Variants in ZNF600 observed in about 807,000 individuals in gnomAD.
ZNF600 encodes zinc finger protein KR-ZNF1.
Under a neutral mutation model 7.3 loss-of-function variants are expected in ZNF600, and 4 were observed. The observed-to-expected ratio is 0.55, with a 90% CI of 0.27 to 1.25. ZNF600 has a LOEUF of 1.25. Among genes scored for constraint, ZNF600 ranks in the 50% most tolerant of loss-of-function variants. The pLI is 0.12. For missense variants in ZNF600, 911 were observed against 922.1 expected, an observed-to-expected ratio of 0.99 and a Z score of 0.16; for synonymous variants, 290 against 308.9, an observed-to-expected ratio of 0.94 and a Z score of 0.64.
the ZNF600 span, chr19:52,808,276 T>A: frequency 6.8e-7 from 1 of 1,468,900 alleles, no homozygotes; most frequent in Non-Finnish European, 9.1e-7. Context: ...CCACATGATG[T>A]TTTTATTATA....
the ZNF600 span, among the ~76,000 whole-genome samples, chr19:52,811,908 C>A: frequency 8.4e-6 from 1 of 118,366 alleles, no homozygotes; most frequent in African/African-American, 3.7e-5. Context: ...GCCCCCCGCC[C>A]GGCCAGCCGC....
the ZNF600 span, among the ~76,000 whole-genome samples, chr19:52,795,241 A>G: frequency 6.6e-6 from 1 of 152,206 alleles, no homozygotes; most frequent in Non-Finnish European, 1.5e-5. Flanking sequence ...AAATGGAATA[A>G]TAGGCTACAT....
At chr19:52,807,632 G>A in the ZNF600 span, among the ~76,000 whole-genome samples, 11 of 152,110 alleles carry the variant, frequency 7.2e-5, no homozygotes, top group Non-Finnish European at 1.6e-4. Context: ...GCATCACCAT[G>A]CCCGGCTAAC....
chr19:52,786,622 AG>A (rs761039849), exon 1 of ZNF600: 26 of 191,444 alleles, frequency 1.4e-4, no homozygotes, highest in African/African-American at 2.5e-4. Flanking sequence ...CTCTGGGTGA[AG>A]GGAAGACAGG....
At chr19:52,775,413 C>T (rs1448401511) in intron 2 of ZNF600, among the ~76,000 whole-genome samples, 17 of 150,194 alleles carry the variant, frequency 1.1e-4, no homozygotes, top group South Asian at 8.6e-4. Context: ...AGCTGGGTGT[C>T]GTGGTGCAGG....
intron 3 of ZNF600, among the ~76,000 whole-genome samples, chr19:52,768,087 T>C (rs978554735): frequency 3.3e-5 from 5 of 151,924 alleles, no homozygotes; most frequent in African/African-American, 7.3e-5. Context: ...AACATATCAC[T>C]GTCACATCAA....
chr19:52,769,732 C>G (rs1316291358), intron 3 of ZNF600, among the ~76,000 whole-genome samples: 3 of 152,080 alleles, frequency 2.0e-5, no homozygotes, highest in Non-Finnish European at 4.4e-5. Flanking sequence ...TGGGGCTGGT[C>G]CCTACAGAGA....
chr19:52,770,078 G>C (rs1005715789), intron 3 of ZNF600, among the ~76,000 whole-genome samples: 2 of 152,144 alleles, frequency 1.3e-5, no homozygotes, highest in Non-Finnish European at 2.9e-5. Flanking sequence ...TATAAGAACT[G>C]AAATACATGT....
chr19:52,774,810 C>T (rs2062660068), intron 2 of ZNF600, 109 bp from the exon 5 acceptor site: 2 of 984,038 alleles, frequency 2.0e-6, no homozygotes, highest in South Asian at 9.4e-5. Flanking sequence ...TGTGTTCTGA[C>T]AAAATGTTAA....
chr19:52,790,978 G>C (rs2062789615), upstream of ZNF600, among the ~76,000 whole-genome samples: 1 of 151,862 alleles, frequency 6.6e-6, no homozygotes, highest in African/African-American at 2.4e-5. Context: ...ACCACACCCA[G>C]ACCAACATGC....
At chr19:52,786,437 C>T (rs2147592738) in intron 1 of ZNF600, among the ~76,000 whole-genome samples, 158 bp downstream of exon 1, 1 of 152,294 alleles carries the variant, frequency 6.6e-6, no homozygotes, top group African/African-American at 2.4e-5. Flanking sequence ...CGGGTGAGGA[C>T]TTTAAAAAGC....
chr19:52,786,851 GA>G, upstream of ZNF600: 1 of 263,056 alleles, frequency 3.8e-6, no homozygotes, highest in Non-Finnish European at 8.4e-6. Flanking sequence ...GCCCCAGGCG[GA>G]GAGACCTTGC....
the ZNF600 span, among the ~76,000 whole-genome samples, chr19:52,804,980 TGA>T: frequency 6.6e-6 from 1 of 152,152 alleles, no homozygotes; most frequent in African/African-American, 2.4e-5. Context: ...TTAAAAAACT[TGA>T]GACAGGCCAG....
the ZNF600 span, among the ~76,000 whole-genome samples, chr19:52,807,365 G>A: frequency 6.6e-6 from 1 of 152,224 alleles, no homozygotes; most frequent in Non-Finnish European, 1.5e-5. Context: ...GGGGAGCACT[G>A]TAATATGTAG....
At chr19:52,816,809 C>T in the ZNF600 span, among the ~76,000 whole-genome samples, 1 of 149,814 alleles carries the variant, frequency 6.7e-6, no homozygotes, top group Admixed American at 6.7e-5. Flanking sequence ...GCAGCCTGGG[C>T]AACAAAGCAA....
chr19:52,811,062 G>T, the ZNF600 span, among the ~76,000 whole-genome samples: 5 of 142,230 alleles, frequency 3.5e-5, no homozygotes, highest in African/African-American at 1.3e-4. Context: ...ACTGGTTTTC[G>T]TTTTTTTTTT....
At chr19:52,805,086 C>T in the ZNF600 span, 1 of 151,354 alleles carries the variant, frequency 6.6e-6, no homozygotes, top group Non-Finnish European at 1.5e-5. Flanking sequence ...GCCTAACAAG[C>T]TGAAATTCTG....
chr19:52,785,496 G>T (rs10409719), intron 1 of ZNF600, among the ~76,000 whole-genome samples: 128,959 of 151,898 alleles, frequency 0.85, 55,541 homozygotes, highest in Non-Finnish European at 0.9. Context: ...TGATCCACCC[G>T]CCTCAGCCTC....
the ZNF600 span, among the ~76,000 whole-genome samples, chr19:52,796,898 C>G: frequency 6.6e-6 from 1 of 152,172 alleles, no homozygotes; most frequent in Non-Finnish European, 1.5e-5. Context: ...CATGTTATAA[C>G]AGATTTGTAC....
Sources: gnomAD v4.1 joint callset for allele counts (sites outside exome capture counted in the v4.1 genomes callset) on GRCh38, gnomAD v4.1.1 for gene constraint, MANE v1.5 for transcripts, NCBI Gene and HGNC (gene_info 2026-07-23, HGNC 2026-07-21) for gene names.